The following HCRTR2 variants were observed in gnomAD, a reference collection of about 807,000 sequenced individuals.
HCRTR2 encodes the protein hypocretin receptor 2, also known as orexin receptor type 2.
A neutral mutation model predicts 49.0 loss-of-function variants in HCRTR2; 22 were observed. The ratio of observed to expected loss-of-function variants is 0.45; its 90% CI spans 0.32 to 0.64. The LOEUF (loss-of-function observed/expected upper bound fraction) is 0.64, where lower values mean the gene tolerates loss of function less well. Ranked by LOEUF, HCRTR2 falls within the 30% of genes least tolerant of loss-of-function variation. HCRTR2 has a pLI of 0.04. For synonymous variants in HCRTR2, 236 were observed against 205.3 expected (o/e 1.15, Z -1.28); for missense variants, 491 against 559.4 (o/e 0.88, Z 1.23).
intron 1 of HCRTR2, among the ~76,000 whole-genome samples, chr6:55,128,719 GT>G (rs1432852296): frequency 6.6e-6 from 1 of 152,042 alleles, no homozygotes; most frequent in Non-Finnish European, 1.5e-5. Context: ...TATCCATGTA[GT>G]TTAGTTTTAA....
chr6:55,243,384 T>C (rs539593979), intron 1 of HCRTR2, among the ~76,000 whole-genome samples: 1 of 152,264 alleles, frequency 6.6e-6, no homozygotes, highest in African/African-American at 2.4e-5. Context: ...TGGTATCAAG[T>C]TCAGGTCCTG....
chr6:55,111,866 C>G (rs1220772846), intron 1 of HCRTR2, among the ~76,000 whole-genome samples: 2 of 151,984 alleles, frequency 1.3e-5, no homozygotes, highest in Admixed American at 1.3e-4. Flanking sequence ...ACCAATGTCC[C>G]TGATGAACAT....
chr6:55,197,301 C>T (rs1197977301), intron 1 of HCRTR2, among the ~76,000 whole-genome samples: 1 of 152,030 alleles, frequency 6.6e-6, no homozygotes. Flanking sequence ...ACCAACCCAC[C>T]CTTACCCTTT....
At chr6:55,174,196 T>G (rs1321965641), upstream of HCRTR2, 1 of 190,716 alleles carries the variant, frequency 5.2e-6, no homozygotes, top group Non-Finnish European at 1.1e-5. Context: ...TCATTACTTT[T>G]TTTTTTTTCT....
intron 1 of HCRTR2, among the ~76,000 whole-genome samples, chr6:55,126,034 C>G (rs1401139468): frequency 6.6e-6 from 1 of 151,888 alleles, no homozygotes; most frequent in Non-Finnish European, 1.5e-5. Context: ...TTTCAAGGTT[C>G]TTAGCTTCCT....
intron 1 of HCRTR2, among the ~76,000 whole-genome samples, chr6:55,169,256 G>A (rs983517527): frequency 6.6e-6 from 1 of 151,672 alleles, no homozygotes; most frequent in Non-Finnish European, 1.5e-5. Context: ...AACATAAGGG[G>A]AAAATATCAG....
intron 1 of HCRTR2, among the ~76,000 whole-genome samples, chr6:55,116,913 C>G (rs1764126445): frequency 6.6e-6 from 1 of 151,594 alleles, no homozygotes; most frequent in African/African-American, 2.4e-5. Flanking sequence ...TCCATCCTTG[C>G]TAAACGTGCT....
chr6:55,244,567 G>T (rs1766395293), intron 1 of HCRTR2, among the ~76,000 whole-genome samples: 2 of 152,042 alleles, frequency 1.3e-5, no homozygotes, highest in South Asian at 4.1e-4. Context: ...GAAGCACAAA[G>T]TCCAGTGATA....
At chr6:55,143,485 A>G (rs1764537342) in intron 1 of HCRTR2, among the ~76,000 whole-genome samples, 1 of 152,196 alleles carries the variant, frequency 6.6e-6, no homozygotes, top group Admixed American at 6.5e-5. Context: ...TTTGCCTAAG[A>G]CCAGAAAGTT....
intron 1 of HCRTR2, among the ~76,000 whole-genome samples, chr6:55,236,875 C>A (rs1339739548): frequency 6.6e-6 from 1 of 151,962 alleles, no homozygotes; most frequent in South Asian, 2.1e-4. Context: ...AATGTATTTG[C>A]CTTGCCAATA....
chr6:55,130,507 G>A (rs945823705), intron 1 of HCRTR2, among the ~76,000 whole-genome samples: 2 of 151,410 alleles, frequency 1.3e-5, no homozygotes, highest in Non-Finnish European at 3.0e-5. Context: ...CATGGGCTAT[G>A]GGTTGTCTTC....
At chr6:55,231,067 C>T (rs796343314) in intron 1 of HCRTR2, among the ~76,000 whole-genome samples, 33 of 152,094 alleles carry the variant, frequency 2.2e-4, no homozygotes, top group Admixed American at 1.2e-3. Flanking sequence ...ATGGTTTAGG[C>T]GAGCACTAGG....
chr6:55,142,248 G>A (rs1386096590), intron 1 of HCRTR2, among the ~76,000 whole-genome samples: 2 of 151,754 alleles, frequency 1.3e-5, no homozygotes, highest in African/African-American at 2.4e-5. Flanking sequence ...CCAGGCTAGA[G>A]TGCAGTGGCA....
In HCRTR2 at chr6:55,241,378, A is replaced by G. The variant is rs78769350; in HGVS notation, c.224-7261A>G. On this transcript the variant is annotated intron_variant, in intron 1 of 6. Coordinates refer to ENST00000370862, the MANE Select transcript of HCRTR2 (RefSeq NM_001384272.1). ...ATGCTTAAAACTCATTCCGGAAGTG[A>G]CGATGGAAGCAGGTTCAAATGCTTT... Among the ~76,000 whole-genome samples the G allele has an allele frequency of 1.0e-3, 159 of 152,286 alleles. 1 individual carries two copies. The East Asian group carries it at 0.028, about 27-fold the overall frequency.
intron 1 of HCRTR2, among the ~76,000 whole-genome samples, chr6:55,189,435 T>A (rs1765278960): frequency 3.3e-5 from 5 of 152,188 alleles, no homozygotes. Flanking sequence ...AGTTGGCAAC[T>A]CATCAAATGT....
chr6:55,160,118 A>G (rs1764785885), intron 1 of HCRTR2, among the ~76,000 whole-genome samples: 1 of 152,232 alleles, frequency 6.6e-6, no homozygotes, highest in Non-Finnish European at 1.5e-5. Context: ...AGGGAAGCCC[A>G]TCAGACTAAC....
At chr6:55,209,522 CACAG>C (rs1765660806) in intron 1 of HCRTR2, among the ~76,000 whole-genome samples, 2 of 152,110 alleles carry the variant, frequency 1.3e-5, no homozygotes, top group African/African-American at 4.8e-5. Context: ...TCACATGCCA[CACAG>C]ACAATCAATT....
At chr6:55,177,183 A>T (rs1474355012) in intron 1 of HCRTR2, among the ~76,000 whole-genome samples, 1 of 152,214 alleles carries the variant, frequency 6.6e-6, no homozygotes, top group East Asian at 1.9e-4. Context: ...TGAAATGGCC[A>T]ATTCCATTCA....
intron 4 of HCRTR2, among the ~76,000 whole-genome samples, chr6:55,273,249 G>A (rs1562029975): frequency 6.6e-6 from 1 of 151,906 alleles, no homozygotes; most frequent in Non-Finnish European, 1.5e-5. Flanking sequence ...AAATGTAAGG[G>A]GATTATTGTT....
Sources: gnomAD v4.1 joint callset for allele counts (sites outside exome capture counted in the v4.1 genomes callset) on GRCh38, gnomAD v4.1.1 for gene constraint, MANE v1.5 for transcripts, NCBI Gene and HGNC (gene_info 2026-07-23, HGNC 2026-07-21) for gene names.